The following RBM25 variants were observed in gnomAD, a reference collection of about 807,000 sequenced individuals.
The protein encoded by RBM25 is RNA-binding protein 25.
Under a neutral mutation model 120.7 loss-of-function variants are expected in RBM25, and 19 were observed. That is an observed-to-expected ratio of 0.16 (90% confidence interval 0.11 to 0.23). The LOEUF is 0.23. RBM25 is among the 10% of genes least tolerant of loss of function. The pLI is 1.00. For missense variants in RBM25, 605 were observed against 1,041.5 expected (o/e 0.58, Z 5.77); for synonymous variants, 390 against 326.7 (o/e 1.19, Z -2.09).
At chr14:73,111,472 T>C in intron 15 of RBM25, 56 bp from the exon 16 acceptor site, 1 of 1,506,524 alleles carries the variant, frequency 6.6e-7, no homozygotes, top group Non-Finnish European at 8.9e-7. Flanking sequence ...TGGTGGGTTA[T>C]AAAATGAAAC....
intron 13 of RBM25, among the ~76,000 whole-genome samples, chr14:73,108,246 A>T (rs575315416): frequency 1.3e-4 from 20 of 152,300 alleles, no homozygotes; most frequent in Admixed American, 1.1e-3. Flanking sequence ...ATGCAGGGGC[A>T]TGATCATAGT....
chr14:73,078,970 A>T (rs757533712), intron 4 of RBM25, among the ~76,000 whole-genome samples: 2 of 152,210 alleles, frequency 1.3e-5, no homozygotes, highest in African/African-American at 4.8e-5. Flanking sequence ...TTAGCATCCA[A>T]TGATGATTGA....
chr14:73,060,563 G>A (rs1031462520), intron 1 of RBM25, among the ~76,000 whole-genome samples: 14 of 151,418 alleles, frequency 9.2e-5, no homozygotes, highest in African/African-American at 2.4e-4. Context: ...CTGTATTTTA[G>A]AGATCTCTTG....
At chr14:73,090,699 C>T (rs1300908115) in intron 6 of RBM25, among the ~76,000 whole-genome samples, 1 of 152,128 alleles carries the variant, frequency 6.6e-6, no homozygotes, top group African/African-American at 2.4e-5. Context: ...ATCTCATTCC[C>T]ATATTCTCTT....
intron 12 of RBM25, among the ~76,000 whole-genome samples, chr14:73,106,840 CT>C (rs34359815): frequency 0.18 from 25,035 of 142,814 alleles, 1,916 homozygotes; most frequent in South Asian, 0.28. Context: ...TATGTATATA[CT>C]TTTTTTTTTT....
chr14:73,112,032 TG>T, intron 16 of RBM25, 119 bp from the exon 17 acceptor site: 1 of 1,087,470 alleles, frequency 9.2e-7, no homozygotes, highest in South Asian at 1.4e-5. Context: ...GATACATATC[TG>T]TCTTAGTTCA....
Position 73,110,937 on chromosome 14 carries a change from C to T in RBM25, c.1799C>T (p.Pro600Leu), listed in dbSNP as rs1366091508. Residue 600 changes from proline to leucine, a missense_variant, in exon 15 of 19, where the codon CCC (proline) becomes CTC (leucine). By Grantham distance (98) the Pro-to-Leu change is moderately conservative (BLOSUM62 -3). Transcript: ENST00000261973. ...KQEKEEKREE[P>L]MEEEEEPEQK... Reference sequence around the variant, plus strand: ...GAAAAAGAAGAAAAACGAGAAGAACCCATGGAAGAGGAAGAGGAGCCAGAG... The same window carrying T: ...GAAAAAGAAGAAAAACGAGAAGAACTCATGGAAGAGGAAGAGGAGCCAGAG... 1 of 1,612,310 alleles carries T rather than the reference C, an allele frequency of 6.2e-7. No homozygotes were observed. The highest frequency in any genetic ancestry group is 8.5e-7 in the Non-Finnish European group (1 of 1,179,038).
chr14:73,067,246 T>TA (rs1233633418), intron 1 of RBM25, among the ~76,000 whole-genome samples: 1 of 151,652 alleles, frequency 6.6e-6, no homozygotes, highest in Non-Finnish European at 1.5e-5. Flanking sequence ...ATCAGATACA[T>TA]ATAGTTCTAA....
At chr14:73,059,764 A>G (rs2140416204) in intron 1 of RBM25, among the ~76,000 whole-genome samples, 1 of 152,332 alleles carries the variant, frequency 6.6e-6, no homozygotes, top group Admixed American at 6.5e-5. Context: ...ATTCAAGTGA[A>G]TCTTATAGTA....
chr14:73,107,933 G>T, intron 13 of RBM25, 34 bp downstream of exon 13: 2 of 1,454,872 alleles, frequency 1.4e-6, no homozygotes, highest in Non-Finnish European at 1.9e-6. Flanking sequence ...TTCATACTTG[G>T]TTTTTTATTA....
chr14:73,112,989 G>A (rs1048827383), intron 17 of RBM25, among the ~76,000 whole-genome samples: 2 of 150,578 alleles, frequency 1.3e-5, no homozygotes, highest in African/African-American at 4.9e-5. Flanking sequence ...TTCTTTTTTT[G>A]TTTTAAATTA....
rs529646117 is a variant in RBM25 at position 73,117,711 on chromosome 14, G to A, written c.2440-2002G>A. Among the ~76,000 whole-genome samples the A allele has an allele frequency of 9.8e-5, 15 of 152,314 alleles. No individual in the cohort carries two copies. The South Asian group carries it at 2.9e-3, about 29-fold the overall frequency. On this transcript the variant is annotated intron_variant, in intron 18 of 18. Coordinates refer to ENST00000261973, the MANE Select transcript of RBM25 (RefSeq NM_021239.3). ...TAAGTAACCCAACCAAGGACCTATCGCTAGTAAGAGGCAGCAGTGCAATTT... is the reference window on the plus strand; with the variant it reads ...TAAGTAACCCAACCAAGGACCTATCACTAGTAAGAGGCAGCAGTGCAATTT...
intron 18 of RBM25, among the ~76,000 whole-genome samples, chr14:73,116,408 G>T (rs2140467143): frequency 6.6e-6 from 1 of 152,326 alleles, no homozygotes; most frequent in Non-Finnish European, 1.5e-5. Context: ...TAGTCAAAAA[G>T]AAGGATTGTG....
At chr14:73,090,192 A>G (rs1040730364) in intron 6 of RBM25, among the ~76,000 whole-genome samples, 1 of 151,886 alleles carries the variant, frequency 6.6e-6, no homozygotes. Context: ...CTGAGATTTT[A>G]GGCACCCGCC....
At chr14:73,105,820 G>A in intron 10 of RBM25, 39 bp from the exon 11 acceptor site, 1 of 1,594,080 alleles carries the variant, frequency 6.3e-7, no homozygotes, top group Non-Finnish European at 8.5e-7. Flanking sequence ...AAAACAGAAA[G>A]TAGACTGACA....
chr14:73,073,756 TAAG>T (rs1439423240), intron 2 of RBM25, among the ~76,000 whole-genome samples: 1 of 152,236 alleles, frequency 6.6e-6, no homozygotes, highest in South Asian at 2.1e-4. Context: ...AGTACTTTAA[TAAG>T]CTATTTTAGA....
intron 1 of RBM25, chr14:73,068,104 T>C: frequency 1.4e-6 from 1 of 695,196 alleles, no homozygotes; most frequent in African/African-American, 1.8e-5. Context: ...ACCCCAACTT[T>C]ACCTCGTTCA....
In RBM25 at chr14:73,121,376, G is replaced by C. The variant is rs973328112; in HGVS notation, c.*1571G>C. ...AATGGCATCATGTTGTAATTGTGTG[G>C]TGCATACTAGAAAAGTTAAAAATAT... is the stretch of plus-strand genomic sequence containing the variant. On this transcript the variant is annotated 3_prime_UTR_variant, in exon 19 of 19. Coordinates refer to ENST00000261973, the MANE Select transcript of RBM25 (RefSeq NM_021239.3). 5 of 152,410 alleles carry C rather than the reference G, an allele frequency of 3.3e-5. No individual in the cohort carries two copies. Among genetic ancestry groups the C allele is most frequent in the Non-Finnish European group, 2.9e-5 (2 of 67,974 alleles). The allele number at this position is 152,410 out of a possible 1,614,324, so 9.4% of individuals were successfully genotyped here.
intron 9 of RBM25, 82 bp downstream of exon 9, chr14:73,099,832 A>T: frequency 6.8e-7 from 1 of 1,469,556 alleles, no homozygotes; most frequent in Non-Finnish European, 9.0e-7. Flanking sequence ...AATCAACCTT[A>T]AATTAGAATA....
Sources: allele counts gnomAD v4.1 joint callset (sites outside exome capture counted in the v4.1 genomes callset), GRCh38; gene constraint gnomAD v4.1.1; transcripts MANE v1.5; gene names NCBI Gene and HGNC (gene_info 2026-07-23, HGNC 2026-07-21).